SLCO1C1: variants seen among roughly 807,000 people sequenced by gnomAD.
SLCO1C1 encodes OAT-RP-5.
Under a neutral mutation model 76.4 loss-of-function variants are expected in SLCO1C1, and 70 were observed. The observed-to-expected ratio is 0.92, with a 90% CI of 0.76 to 1.12. SLCO1C1 has a LOEUF of 1.12. SLCO1C1 is among the 50% of genes most tolerant of loss of function. The probability of loss-of-function intolerance (pLI) is 0.00; values close to 1 mark genes in which losing one functional copy is unlikely to be tolerated. For missense variants in SLCO1C1, 912 were observed against 823.8 expected (o/e 1.11, Z -1.31); for synonymous variants, 306 against 286.1 (o/e 1.07, Z -0.70).
chr12:20,744,876 T>C lies in SLCO1C1; in HGVS notation c.1798+1507T>C, dbSNP rs557915765. ...AGCAAAAAACTGGAAGTGATCTAAA[T>C]GTCCATCGGTAGGAGACTGGTTGAA... On this transcript the variant is annotated intron_variant, in intron 13 of 14. Coordinates refer to ENST00000266509, the MANE Select transcript of SLCO1C1 (RefSeq NM_017435.5). Among the ~76,000 whole-genome samples the C allele has an allele frequency of 3.3e-5, 5 of 152,280 alleles. No homozygotes were observed. The South Asian group carries it at 1.0e-3, about 32-fold the overall frequency.
intron 13 of SLCO1C1, among the ~76,000 whole-genome samples, chr12:20,747,878 C>G (rs1181408110): frequency 6.6e-6 from 1 of 152,104 alleles, no homozygotes; most frequent in Admixed American, 6.5e-5. Flanking sequence ...TATCAATTAC[C>G]CAATTTCAAC....
intron 9 of SLCO1C1, among the ~76,000 whole-genome samples, chr12:20,725,459 T>C (rs550509244): frequency 3.4e-4 from 50 of 146,722 alleles, no homozygotes; most frequent in Non-Finnish European, 5.5e-4. Flanking sequence ...ATGTATACTA[T>C]AATATATAAT....
At chr12:20,708,293 G>C (rs1468067019) in intron 4 of SLCO1C1, among the ~76,000 whole-genome samples, 1 of 151,888 alleles carries the variant, frequency 6.6e-6, no homozygotes, top group Non-Finnish European at 1.5e-5. Flanking sequence ...CATTAATTTA[G>C]CAAGTGTATA....
chr12:20,750,172 G>A (rs1236530232), intron 13 of SLCO1C1, among the ~76,000 whole-genome samples: 1 of 152,152 alleles, frequency 6.6e-6, no homozygotes, highest in Non-Finnish European at 1.5e-5. Flanking sequence ...GATTTGAGAA[G>A]GTTAATGAAT....
At position 20,750,950 on chromosome 12, in the gene SLCO1C1, A is replaced by C. The variant is rs1475264828; in HGVS notation, c.1916+158A>C. The C allele has an allele frequency of 3.7e-6, 5 of 1,359,092 alleles. No homozygotes were observed. In the South Asian group the frequency reaches 4.0e-5, roughly 11 times the overall value. 84.2% of individuals were successfully genotyped at this position (1,359,092 alleles called of 1,614,324 possible). A position where few individuals can be genotyped will look rare whatever the true frequency, so the allele number is the denominator to read the frequency against. ...TCTGTAGTCATAGAATAATTATATT[A>C]TTATTTGATTAGATCTTTGATTTTG... On this transcript the variant is annotated intron_variant, in intron 14 of 14. Transcript: ENST00000266509.
intron 7 of SLCO1C1, among the ~76,000 whole-genome samples, chr12:20,720,678 C>T (rs10128953): frequency 0.027 from 4,159 of 152,192 alleles, 120 homozygotes; most frequent in African/African-American, 0.074. Flanking sequence ...CTTGAAGATG[C>T]GACTGAATTG....
intron 5 of SLCO1C1, among the ~76,000 whole-genome samples, chr12:20,711,799 G>C (rs1947119046): frequency 6.6e-6 from 1 of 152,206 alleles, no homozygotes; most frequent in South Asian, 2.1e-4. Context: ...GGTGAAACTA[G>C]TTTAGCACAT....
chr12:20,712,874 C>T (rs899122066), intron 5 of SLCO1C1, among the ~76,000 whole-genome samples: 1 of 152,098 alleles, frequency 6.6e-6, no homozygotes, highest in Admixed American at 6.5e-5. Context: ...AAAGAAGGAA[C>T]TCATTCTAGA....
intron 13 of SLCO1C1, among the ~76,000 whole-genome samples, chr12:20,747,158 C>T (rs1949083046): frequency 6.6e-6 from 1 of 152,156 alleles, no homozygotes; most frequent in Admixed American, 6.5e-5. Flanking sequence ...GGCACATTTG[C>T]TCATGCCTAT....
chr12:20,715,549 A>C (rs1163520063), intron 6 of SLCO1C1, among the ~76,000 whole-genome samples: 1 of 152,220 alleles, frequency 6.6e-6, no homozygotes, highest in Admixed American at 6.5e-5. Flanking sequence ...TGACCTTGTG[A>C]AAGTATCTTC....
intron 14 of SLCO1C1, among the ~76,000 whole-genome samples, chr12:20,751,466 A>G (rs1418629233): frequency 1.3e-5 from 2 of 152,188 alleles, no homozygotes; most frequent in South Asian, 2.1e-4. Flanking sequence ...TTACAAACTG[A>G]GCATTTTCTG....
At chr12:20,742,096 A>G (rs1948840855) in intron 12 of SLCO1C1, among the ~76,000 whole-genome samples, 1 of 152,216 alleles carries the variant, frequency 6.6e-6, no homozygotes, top group South Asian at 2.1e-4. Flanking sequence ...GAAATACAAC[A>G]TGGAGAATAT....
chr12:20,750,638 A>G (rs752502705), intron 13 of SLCO1C1, 37 bp from the exon 14 acceptor site: 21 of 1,566,740 alleles, frequency 1.3e-5, no homozygotes, highest in Admixed American at 5.0e-5. Context: ...AAAGATGTGC[A>G]TATGTTTTTA....
At chr12:20,709,140 G>A (rs1946931013) in intron 4 of SLCO1C1, among the ~76,000 whole-genome samples, 1 of 152,144 alleles carries the variant, frequency 6.6e-6, no homozygotes, top group Non-Finnish European at 1.5e-5. Flanking sequence ...GTCAGGATTT[G>A]AATGCGGGTC....
chr12:20,705,253 ATTTTT>A (rs1946717453), intron 3 of SLCO1C1, among the ~76,000 whole-genome samples: 2 of 151,860 alleles, frequency 1.3e-5, no homozygotes. Context: ...TTTTTAAACC[ATTTTT>A]CACAAAAGAG....
rs147929288 is a variant in SLCO1C1, at chr12:20,735,750, C to A, written c.1383-1357C>A. On this transcript the variant is annotated intron_variant, in intron 10 of 14. Coordinates refer to ENST00000266509, the MANE Select transcript of SLCO1C1 (RefSeq NM_017435.5). The stretch of plus-strand genomic sequence containing the variant: ...CTGATTAAGAAATTATGGTTGCCAT[C>A]ATTAATGACAATACTTCTCAGAGGC... Among the ~76,000 whole-genome samples the A allele has an allele frequency of 1.4e-4, 22 of 152,224 alleles. No individual in the cohort carries two copies. In the East Asian group the frequency reaches 3.3e-3, roughly 23 times the overall value.
At chr12:20,710,208 T>C (rs1487193324) in intron 4 of SLCO1C1, among the ~76,000 whole-genome samples, 3 of 134,696 alleles carry the variant, frequency 2.2e-5, no homozygotes, top group South Asian at 5.1e-4. Context: ...TTCTTTTTTT[T>C]TTTTTTTTTT....
rs1020338932 is a variant in SLCO1C1, at chr12:20,695,540, G to A, written c.-293G>A. On this transcript the variant is annotated 5_prime_UTR_variant, in exon 1 of 15. The change creates a new upstream start codon in the 5' untranslated region. Transcript: ENST00000266509. ...GATGCACGTCAGTGGCCTTGCCAGC[G>A]TGGCCAATTCTCTGCTGACTGCCAG... 5 of 152,282 alleles carry A rather than the reference G, an allele frequency of 3.3e-5. No individual in the cohort carries two copies. The highest frequency in any genetic ancestry group is 7.2e-5 in the African/African-American group (3 of 41,554). 9.4% of individuals were successfully genotyped at this position (152,282 alleles called of 1,614,324 possible). A position where few individuals can be genotyped will look rare whatever the true frequency, so the allele number is the denominator to read the frequency against.
chr12:20,701,527 T>G (rs1946526001), intron 3 of SLCO1C1, 68 bp downstream of exon 3: 15 of 1,251,582 alleles, frequency 1.2e-5, no homozygotes, highest in Non-Finnish European at 1.6e-5. Context: ...AAAGAACACC[T>G]TCTGCATTCT....
Sources: allele counts gnomAD v4.1 joint callset (sites outside exome capture counted in the v4.1 genomes callset), GRCh38; gene constraint gnomAD v4.1.1; transcripts MANE v1.5; gene names NCBI Gene and HGNC (gene_info 2026-07-23, HGNC 2026-07-21).